The following RUNX1 variants were observed in gnomAD, a reference collection of about 807,000 sequenced individuals.
RUNX1 encodes RUNX family transcription factor 1.
Under a neutral mutation model 42.8 loss-of-function variants are expected in RUNX1, and 19 were observed. The observed-to-expected ratio is 0.44, with a 90% confidence interval of 0.31 to 0.65. The LOEUF (loss-of-function observed/expected upper bound fraction) is 0.65, where lower values mean the gene tolerates loss of function less well. Ranked by LOEUF, RUNX1 falls within the 30% of genes least tolerant of loss-of-function variation. RUNX1 has a pLI of 0.07. For missense variants in RUNX1, 528 were observed against 672.0 expected (o/e 0.79, Z 2.37); for synonymous variants, 271 against 289.4 (o/e 0.94, Z 0.64).
At chr21:34,995,040 G>A (rs900412962) in intron 2 of RUNX1, among the ~76,000 whole-genome samples, 11 of 152,210 alleles carry the variant, frequency 7.2e-5, no homozygotes, top group Non-Finnish European at 1.2e-4. Context: ...ATGGACACCC[G>A]TGGCATTTAA....
chr21:34,995,435 CTTTT>C lies in RUNX1; in HGVS notation c.58+53403_58+53406del, dbSNP rs5843694. Among the ~76,000 whole-genome samples the C allele has an allele frequency of 4.0e-3, 325 of 82,078 alleles. 2 individuals are homozygous for C. Among genetic ancestry groups the C allele is most frequent in the African/African-American group, 0.015 (312 of 20,774 alleles). 53.8% of individuals were successfully genotyped at this position (82,078 alleles called of 152,430 possible). ...AATAAAGGCTGTTACTTTCTGGGAG[CTTTT>C]TTTTTTTTTTTTTTTTTTTGAGACA... On this transcript the variant is annotated intron_variant, in intron 2 of 8. Transcript: ENST00000675419.
intron 2 of RUNX1, among the ~76,000 whole-genome samples, chr21:34,930,155 G>T (rs2058428570): frequency 7.3e-6 from 1 of 136,526 alleles, no homozygotes; most frequent in African/African-American, 2.7e-5. Flanking sequence ...TTTCTTAGCT[G>T]CAAAAACCAA....
intron 2 of RUNX1, among the ~76,000 whole-genome samples, chr21:34,970,404 A>G (rs970101694): frequency 2.0e-5 from 3 of 152,240 alleles, no homozygotes; most frequent in African/African-American, 7.2e-5. Context: ...TGCTTTGCAG[A>G]TTGTTCAAAT....
intron 2 of RUNX1, among the ~76,000 whole-genome samples, chr21:35,015,956 C>G (rs1447685735): frequency 6.6e-6 from 1 of 152,186 alleles, no homozygotes; most frequent in African/African-American, 2.4e-5. Context: ...CAGAAATTAT[C>G]AAATGTGTAT....
intron 7 of RUNX1, among the ~76,000 whole-genome samples, chr21:34,832,790 TTAA>T (rs1304575937): frequency 6.6e-6 from 1 of 152,186 alleles, no homozygotes; most frequent in Non-Finnish European, 1.5e-5. Context: ...TAAATCATTA[TTAA>T]TGATTATTAT....
At chr21:35,040,156 T>A (rs2059346919) in intron 2 of RUNX1, among the ~76,000 whole-genome samples, 1 of 152,226 alleles carries the variant, frequency 6.6e-6, no homozygotes, top group Admixed American at 6.5e-5. Flanking sequence ...CTGTGACTGT[T>A]ACCGAGCTGG....
intron 2 of RUNX1, among the ~76,000 whole-genome samples, chr21:35,014,400 A>T (rs2059145547): frequency 6.6e-6 from 1 of 152,192 alleles, no homozygotes; most frequent in Non-Finnish European, 1.5e-5. Context: ...CTTGATTAGG[A>T]ATCTGGTGAC....
intron 2 of RUNX1, among the ~76,000 whole-genome samples, chr21:35,001,187 T>C (rs1430836339): frequency 1.3e-5 from 2 of 151,950 alleles, no homozygotes; most frequent in Non-Finnish European, 2.9e-5. Context: ...TTCTTATTTG[T>C]ATTTTTTAAA....
intron 7 of RUNX1, among the ~76,000 whole-genome samples, chr21:34,801,910 GTCTT>G (rs947887727): frequency 1.3e-5 from 2 of 152,182 alleles, no homozygotes; most frequent in Non-Finnish European, 2.9e-5. Flanking sequence ...TGAACTCTTG[GTCTT>G]TCTGTCTGGT....
intron 5 of RUNX1, among the ~76,000 whole-genome samples, chr21:34,870,484 G>T (rs1467137297): frequency 6.6e-6 from 1 of 152,234 alleles, no homozygotes; most frequent in East Asian, 1.9e-4. Flanking sequence ...ACAACCAGGA[G>T]GGTGGGTGCT....
chr21:34,813,342 G>C (rs2056782218), intron 7 of RUNX1, among the ~76,000 whole-genome samples: 2 of 152,174 alleles, frequency 1.3e-5, no homozygotes, highest in African/African-American at 4.8e-5. Context: ...CAGCTACCAT[G>C]ATGACAAGAC....
chr21:35,025,754 G>C (rs1012693327), intron 2 of RUNX1, among the ~76,000 whole-genome samples: 1 of 152,190 alleles, frequency 6.6e-6, no homozygotes, highest in East Asian at 1.9e-4. Context: ...CAGATGAGAG[G>C]TGTGCGGAGT....
intron 5 of RUNX1, among the ~76,000 whole-genome samples, chr21:34,868,230 G>T (rs1291686079): frequency 6.6e-6 from 1 of 152,102 alleles, no homozygotes; most frequent in Non-Finnish European, 1.5e-5. Context: ...CTTGCAAGCT[G>T]GATATACACA....
intron 5 of RUNX1, among the ~76,000 whole-genome samples, chr21:34,871,598 G>A (rs2057738291): frequency 6.6e-6 from 1 of 152,136 alleles, no homozygotes; most frequent in Non-Finnish European, 1.5e-5. Flanking sequence ...CTGAATCTCA[G>A]TGTAAAAACC....
At chr21:34,884,328 G>A (rs190644887) in intron 4 of RUNX1, among the ~76,000 whole-genome samples, 6 of 152,274 alleles carry the variant, frequency 3.9e-5, no homozygotes, top group South Asian at 2.1e-4. Flanking sequence ...GAAGATTGAC[G>A]TAGAGGATTT....
intron 3 of RUNX1, among the ~76,000 whole-genome samples, chr21:34,890,649 CCTGGGGT>C (rs1442263189): frequency 6.6e-6 from 1 of 152,210 alleles, no homozygotes; most frequent in Non-Finnish European, 1.5e-5. Context: ...TTTTAATGGA[CCTGGGGT>C]CTCGGAAAGA....
intron 5 of RUNX1, among the ~76,000 whole-genome samples, chr21:34,866,909 A>G (rs1405217590): frequency 6.6e-6 from 1 of 152,260 alleles, no homozygotes; most frequent in Non-Finnish European, 1.5e-5. Context: ...CTTAGAATAT[A>G]GAACTCAGTT....
chr21:34,905,969 T>C (rs59283317), intron 2 of RUNX1, among the ~76,000 whole-genome samples: 2,671 of 152,272 alleles, frequency 0.018, 90 homozygotes, highest in African/African-American at 0.061. Flanking sequence ...AACTCCTCTA[T>C]AGCAACCTAT....
intron 8 of RUNX1, among the ~76,000 whole-genome samples, chr21:34,794,000 A>G (rs1264072243): frequency 1.3e-5 from 2 of 152,106 alleles, no homozygotes; most frequent in Non-Finnish European, 2.9e-5. Flanking sequence ...CACCGTGCCC[A>G]GCCCTAAAAT....
Sources: gnomAD v4.1 joint callset for allele counts (sites outside exome capture counted in the v4.1 genomes callset) on GRCh38, gnomAD v4.1.1 for gene constraint, MANE v1.5 for transcripts, NCBI Gene and HGNC (gene_info 2026-07-23, HGNC 2026-07-21) for gene names.